The following IGF1R variants were observed in gnomAD, a reference collection of about 807,000 sequenced individuals.
IGF1R encodes the protein insulin-like growth factor 1 receptor.
Under a neutral mutation model 144.6 loss-of-function variants are expected in IGF1R, and 44 were observed. That is an observed-to-expected ratio of 0.30 (90% CI 0.24 to 0.39). IGF1R has a LOEUF of 0.39. Among genes scored for constraint, IGF1R ranks in the 10% least tolerant of loss-of-function variants. The pLI, the probability that IGF1R is intolerant of heterozygous loss-of-function variation, is 1.00. For synonymous variants in IGF1R, 795 were observed against 722.8 expected (o/e 1.10, Z -1.60); for missense variants, 1,355 against 1,833.7 (o/e 0.74, Z 4.77).
chr15:98,911,484 A>G, intron 7 of IGF1R, 43 bp downstream of exon 7: 2 of 1,613,432 alleles, frequency 1.2e-6, no homozygotes, highest in South Asian at 1.1e-5. Context: ...TGACAGGGCT[A>G]CGAATGGGAG....
At chr15:98,772,281 ATAAT>A (rs1402336419) in intron 2 of IGF1R, among the ~76,000 whole-genome samples, 2 of 152,066 alleles carry the variant, frequency 1.3e-5, no homozygotes, top group African/African-American at 4.8e-5. Context: ...TTTTTGATTA[ATAAT>A]TTCTAGTCTG....
intron 1 of IGF1R, among the ~76,000 whole-genome samples, chr15:98,670,574 A>T (rs1219080217): frequency 3.3e-5 from 5 of 152,206 alleles, no homozygotes; most frequent in Non-Finnish European, 7.3e-5. Context: ...ACTGGTGTTT[A>T]TGAAATAACC....
chr15:98,696,160 A>G (rs2053593316), intron 1 of IGF1R, among the ~76,000 whole-genome samples: 1 of 151,758 alleles, frequency 6.6e-6, no homozygotes, highest in Non-Finnish European at 1.5e-5. Context: ...GTGTCCAAAT[A>G]GCATTTATTT....
Position 98,962,879 on chromosome 15 carries a change from G to C in IGF1R, c.*5437G>C, listed in dbSNP as rs973015429. ...CAAGAACACAAACTACATCGCACTC[G>C]TCAGTTGTCAGTTCTGGGGCATGAC... is the stretch of plus-strand genomic sequence containing the variant. On this transcript the variant is annotated 3_prime_UTR_variant, in exon 21 of 21. Coordinates refer to ENST00000650285, the MANE Select transcript of IGF1R (RefSeq NM_000875.5). 4.3e-6 allele frequency: 1 copy of C among 233,560 alleles called. No individual in the cohort carries two copies. Among genetic ancestry groups the C allele is most frequent in the African/African-American group, 2.2e-5 (1 of 45,332 alleles). The allele number at this position is 233,560 out of a possible 1,614,324, so 14.5% of individuals were successfully genotyped here. A position where few individuals can be genotyped will look rare whatever the true frequency, so the allele number is the denominator to read the frequency against.
chr15:98,727,179 T>C (rs2054381699), intron 2 of IGF1R, among the ~76,000 whole-genome samples: 1 of 152,236 alleles, frequency 6.6e-6, no homozygotes, highest in African/African-American at 2.4e-5. Context: ...TTAGCTGTGA[T>C]GAATGACAGG....
At chr15:98,916,531 G>T in intron 9 of IGF1R, 141 bp from the exon 10 acceptor site, 1 of 807,178 alleles carries the variant, frequency 1.2e-6, no homozygotes. Flanking sequence ...CAAAGTGCTG[G>T]GATTATAGCC....
At chr15:98,672,871 G>A (rs527579265) in intron 1 of IGF1R, among the ~76,000 whole-genome samples, 6 of 152,276 alleles carry the variant, frequency 3.9e-5, no homozygotes, top group African/African-American at 9.6e-5. Flanking sequence ...CAGTGATTTC[G>A]TAAGGGTTAA....
At chr15:98,919,353 T>C (rs1017258879) in intron 10 of IGF1R, among the ~76,000 whole-genome samples, 19 of 152,294 alleles carry the variant, frequency 1.2e-4, no homozygotes, top group African/African-American at 4.3e-4. Context: ...AGTTTGTTTT[T>C]CTCTATCATG....
At chr15:98,816,261 A>C (rs1377310983) in intron 2 of IGF1R, among the ~76,000 whole-genome samples, 1 of 152,134 alleles carries the variant, frequency 6.6e-6, no homozygotes, top group Non-Finnish European at 1.5e-5. Flanking sequence ...CCCATCAATA[A>C]CTACAAGATC....
chr15:98,825,968 G>A (rs1050556833), intron 2 of IGF1R, among the ~76,000 whole-genome samples: 3 of 152,190 alleles, frequency 2.0e-5, no homozygotes, highest in African/African-American at 7.2e-5. Flanking sequence ...ATGTGGCCTT[G>A]GTGACCTTTC....
chr15:98,779,822 T>A (rs571424674), intron 2 of IGF1R, among the ~76,000 whole-genome samples: 2 of 152,302 alleles, frequency 1.3e-5, no homozygotes, highest in South Asian at 4.1e-4. Context: ...GGAGATAGCC[T>A]GTTGGCACAG....
intron 4 of IGF1R, among the ~76,000 whole-genome samples, chr15:98,898,110 T>TC (rs1196842151): frequency 6.6e-6 from 1 of 152,198 alleles, no homozygotes; most frequent in Non-Finnish European, 1.5e-5. Flanking sequence ...CTCCCAGCCC[T>TC]CCGTGATGGA....
At chr15:98,833,372 G>A (rs897017578) in intron 2 of IGF1R, among the ~76,000 whole-genome samples, 3 of 152,176 alleles carry the variant, frequency 2.0e-5, no homozygotes, top group Admixed American at 1.3e-4. Flanking sequence ...GCCTTAGAGC[G>A]GGTTTGCAGG....
At chr15:98,924,485 G>T in intron 12 of IGF1R, 40 bp from the exon 13 acceptor site, 1 of 1,609,304 alleles carries the variant, frequency 6.2e-7, no homozygotes, top group Admixed American at 1.7e-5. Flanking sequence ...GATTTCTCCT[G>T]CATTCATGGG....
chr15:98,851,637 C>T (rs1314931406), intron 2 of IGF1R, among the ~76,000 whole-genome samples: 2 of 152,188 alleles, frequency 1.3e-5, no homozygotes, highest in African/African-American at 2.4e-5. Flanking sequence ...GGAAGCAGCA[C>T]TTCCCGCTGG....
chr15:98,857,713 A>AT (rs762230462), intron 2 of IGF1R, among the ~76,000 whole-genome samples: 5 of 152,102 alleles, frequency 3.3e-5, no homozygotes, highest in Non-Finnish European at 1.5e-5. Context: ...TGGATTTTGG[A>AT]TTTTTTTAAA....
chr15:98,802,192 A>C (rs1008781087), intron 2 of IGF1R, among the ~76,000 whole-genome samples: 1 of 152,186 alleles, frequency 6.6e-6, no homozygotes, highest in African/African-American at 2.4e-5. Context: ...AGAGGGAATG[A>C]GTTGAGGATT....
intron 1 of IGF1R, among the ~76,000 whole-genome samples, chr15:98,651,490 G>A (rs2052365821): frequency 6.6e-6 from 1 of 152,220 alleles, no homozygotes; most frequent in African/African-American, 2.4e-5. Flanking sequence ...CGGTTTAGAA[G>A]ACACGGGAGA....
intron 20 of IGF1R, among the ~76,000 whole-genome samples, chr15:98,952,434 G>A (rs1306034911): frequency 6.6e-6 from 1 of 152,102 alleles, no homozygotes; most frequent in Non-Finnish European, 1.5e-5. Flanking sequence ...CTGAATATAA[G>A]CCATGGAGTA....
Sources: gnomAD v4.1 joint callset for allele counts (sites outside exome capture counted in the v4.1 genomes callset) on GRCh38, gnomAD v4.1.1 for gene constraint, MANE v1.5 for transcripts, NCBI Gene and HGNC (gene_info 2026-07-23, HGNC 2026-07-21) for gene names.